Variants in TP53BP1 observed in about 807,000 individuals in gnomAD.
TP53BP1 encodes tumor protein p53 binding protein 1, also known as TP53-binding protein 1.
In TP53BP1, 61 loss-of-function variants were observed where a neutral mutation model predicts 200.8. The ratio of observed to expected loss-of-function variants is 0.30; its 90% CI spans 0.25 to 0.38. The LOEUF (loss-of-function observed/expected upper bound fraction) is 0.38. Ranked by LOEUF, TP53BP1 falls within the 10% of genes least tolerant of loss-of-function variation. TP53BP1 has a pLI of 1.00. For missense variants in TP53BP1, 2,144 were observed against 2,371.9 expected, an observed-to-expected ratio of 0.90 and a Z score of 2.00; for synonymous variants, 822 against 844.3, an observed-to-expected ratio of 0.97 and a Z score of 0.46.
intron 11 of TP53BP1, among the ~76,000 whole-genome samples, chr15:43,458,074 T>C (rs1595581221): frequency 6.6e-6 from 1 of 151,954 alleles, no homozygotes; most frequent in East Asian, 1.9e-4. Flanking sequence ...GCTTACAAAA[T>C]ATCAATAGTC....
Position 43,407,933 on chromosome 15 carries a change from T to G in TP53BP1, c.5746+10A>C. On this transcript the variant is annotated intron_variant, in intron 27 of 27. Coordinates refer to ENST00000382044, the MANE Select transcript of TP53BP1 (RefSeq NM_001141980.3). ...TGGAACAAAGACACTACACACACTC[T>G]TTCAGGTACCTTTGTTATGGGCACT... is the stretch of plus-strand genomic sequence containing the variant. 6.2e-7 allele frequency: 1 copy of G among 1,609,234 alleles called. No homozygotes were observed. Among genetic ancestry groups the G allele is most frequent in the Non-Finnish European group, 8.5e-7 (1 of 1,179,300 alleles).
Position 43,405,319 on chromosome 15 carries a change from A to G in TP53BP1, c.*2064T>C, listed in dbSNP as rs775445067. ...ACACACAAATAAATATCTGCGGCTT[A>G]GTGATAGGACTCTACCTTTTCTCCT... On this transcript the variant is annotated 3_prime_UTR_variant, in exon 28 of 28. Transcript: ENST00000382044. 172 of 1,318,568 alleles carry G rather than the reference A, an allele frequency of 1.3e-4. 1 individual carries two copies. The highest frequency in any genetic ancestry group is 1.8e-4 in the Non-Finnish European group (162 of 919,448). The allele number at this position is 1,318,568 out of a possible 1,614,324, so 81.7% of individuals were successfully genotyped here.
chr15:43,424,753 T>C (rs1447351625), intron 18 of TP53BP1, among the ~76,000 whole-genome samples: 4 of 152,342 alleles, frequency 2.6e-5, no homozygotes, highest in Non-Finnish European at 4.4e-5. Context: ...TATGGTAATA[T>C]GTGAATTTTC....
chr15:43,442,163 G>GC, intron 14 of TP53BP1, among the ~76,000 whole-genome samples: 1 of 145,128 alleles, frequency 6.9e-6, no homozygotes, highest in Middle Eastern at 3.8e-3. Flanking sequence ...TCGGCTCACT[G>GC]CAAGCTCTGC....
rs1483070281 is a variant in TP53BP1, at chr15:43,421,870, C to A, written c.4085G>T (p.Gly1362Val). The change falls in exon 19 of 28, where the codon GGC becomes GTC. Residue 1362 changes from glycine (G) to valine (V), a missense_variant. Coordinates refer to ENST00000382044, the MANE Select transcript of TP53BP1 (RefSeq NM_001141980.3). ...CTGTCTGCACCTCAGTTTTCCTGGG[C>A]CTCCTCGGGAGCTGGGTAAGGCAAA... The part of the protein sequence containing the change: ...ADFALPSSRG[G>V]PGKLSPRKGV... 1 of 1,614,196 alleles carries A rather than the reference C, an allele frequency of 6.2e-7. No homozygotes were observed. The highest frequency in any genetic ancestry group is 1.1e-5 in the South Asian group (1 of 91,082).
chr15:43,480,431 G>C (rs2078947274), intron 5 of TP53BP1, among the ~76,000 whole-genome samples: 1 of 151,908 alleles, frequency 6.6e-6, no homozygotes, highest in African/African-American at 2.4e-5. Flanking sequence ...CTGGGCAACA[G>C]AGCAAGACTC....
intron 17 of TP53BP1, among the ~76,000 whole-genome samples, chr15:43,428,775 T>C (rs535368523): frequency 2.0e-5 from 3 of 152,312 alleles, no homozygotes; most frequent in African/African-American, 4.8e-5. Context: ...ATGGAAAAAT[T>C]AGCAAATTAA....
intron 16 of TP53BP1, among the ~76,000 whole-genome samples, chr15:43,437,693 T>C (rs543424893): frequency 2.1e-4 from 32 of 152,318 alleles, no homozygotes; most frequent in Non-Finnish European, 4.0e-4. Context: ...AAAATGTGTA[T>C]CTATAAAATA....
intron 9 of TP53BP1, 140 bp from the exon 10 acceptor site, chr15:43,474,907 C>CTGAGG: frequency 5.3e-6 from 3 of 561,338 alleles, no homozygotes; most frequent in Non-Finnish European, 9.4e-6. Flanking sequence ...CAACAGCAAC[C>CTGAGG]TGAGGCTGGT....
intron 4 of TP53BP1, among the ~76,000 whole-genome samples, chr15:43,481,316 G>A (rs1030435943): frequency 1.6e-4 from 25 of 152,044 alleles, no homozygotes; most frequent in Non-Finnish European, 1.3e-4. Flanking sequence ...GACAAGAGAA[G>A]ATATGCATTG....
chr15:43,429,769 C>A (rs1438465945), intron 17 of TP53BP1, among the ~76,000 whole-genome samples: 1 of 152,196 alleles, frequency 6.6e-6, no homozygotes. Context: ...ACAACTCTGT[C>A]TAATGAATGG....
intron 7 of TP53BP1, among the ~76,000 whole-genome samples, 159 bp from the exon 8 acceptor site, chr15:43,477,918 A>C (rs185594535): frequency 3.1e-4 from 47 of 152,348 alleles, no homozygotes; most frequent in Admixed American, 2.0e-3. Flanking sequence ...ACTACTCTTT[A>C]TAGTGATAAA....
At chr15:43,425,611 C>G (rs1250026887) in intron 18 of TP53BP1, among the ~76,000 whole-genome samples, 3 of 152,044 alleles carry the variant, frequency 2.0e-5, no homozygotes, top group Non-Finnish European at 2.9e-5. Flanking sequence ...AAGAGCGAGA[C>G]CCTGTCTCCA....
At position 43,508,590 on chromosome 15, in the gene TP53BP1, C is replaced by G. The variant is rs180994181; in HGVS notation, c.-9+1780G>C. On this transcript the variant is annotated intron_variant, in intron 1 of 27. Coordinates refer to the TP53BP1 transcript ENST00000263801. ...GAGGTTACAGTGAGCTACAATCATG[C>G]CACTATATACCAGCCTTGCTGACAC... is the stretch of plus-strand genomic sequence containing the variant. Among the ~76,000 whole-genome samples the G allele has an allele frequency of 1.0e-3, 158 of 152,304 alleles. 1 individual carries two copies. Among genetic ancestry groups the G allele is most frequent in the Middle Eastern group, 6.8e-3 (2 of 294 alleles).
At chr15:43,489,094 T>C (rs1033949812) in intron 4 of TP53BP1, among the ~76,000 whole-genome samples, 51 of 152,352 alleles carry the variant, frequency 3.3e-4, no homozygotes, top group African/African-American at 1.2e-3. Flanking sequence ...ATTGTTTAGA[T>C]TGTATTCCAC....
chr15:43,427,091 T>C (rs2045557834), intron 18 of TP53BP1, among the ~76,000 whole-genome samples: 1 of 151,032 alleles, frequency 6.6e-6, no homozygotes, highest in Admixed American at 6.6e-5. Flanking sequence ...TCTTAACATA[T>C]ACCAACAAAG....
At chr15:43,446,148 G>GGGAA (rs2046036562) in intron 14 of TP53BP1, among the ~76,000 whole-genome samples, 1 of 152,048 alleles carries the variant, frequency 6.6e-6, no homozygotes, top group Non-Finnish European at 1.5e-5. Context: ...TTTCTGAATA[G>GGGAA]GGAAACCAAT....
chr15:43,417,688 T>A (rs1327000731), intron 21 of TP53BP1, among the ~76,000 whole-genome samples: 2 of 152,150 alleles, frequency 1.3e-5, no homozygotes, highest in Admixed American at 1.3e-4. Flanking sequence ...GAAGAACGAA[T>A]GCATTTGATA....
intron 14 of TP53BP1, among the ~76,000 whole-genome samples, chr15:43,442,905 A>G (rs1259798338): frequency 2.8e-5 from 4 of 140,554 alleles, no homozygotes; most frequent in Admixed American, 7.9e-5. Context: ...AGCTCACTGC[A>G]ACCTCCGCCT....
Sources: allele counts gnomAD v4.1 joint callset (sites outside exome capture counted in the v4.1 genomes callset), GRCh38; gene constraint gnomAD v4.1.1; transcripts MANE v1.5; gene names NCBI Gene and HGNC (gene_info 2026-07-23, HGNC 2026-07-21).